WAPL: variants seen among roughly 807,000 people sequenced by gnomAD.
WAPL encodes wings apart-like protein homolog.
In WAPL, 5 loss-of-function variants were observed where a neutral mutation model predicts 121.0. The observed-to-expected ratio is 0.04, with a 90% confidence interval of 0.02 to 0.09. The LOEUF (loss-of-function observed/expected upper bound fraction) is 0.09, where lower values mean the gene tolerates loss of function less well. Ranked by LOEUF, WAPL falls within the 10% of genes least tolerant of loss-of-function variation. The probability of loss-of-function intolerance (pLI) is 1.00; values close to 1 mark genes in which losing one functional copy is unlikely to be tolerated. For missense variants in WAPL, 999 were observed against 1,410.8 expected (o/e 0.71, Z 4.68); for synonymous variants, 480 against 481.5 (o/e 1.00, Z 0.04).
chr10:86,452,437 C>T (rs1589497288), intron 14 of WAPL, among the ~76,000 whole-genome samples: 1 of 151,820 alleles, frequency 6.6e-6, no homozygotes, highest in East Asian at 1.9e-4. Context: ...ACTAAAAATA[C>T]AAAAATAAGC....
Position 86,467,521 on chromosome 10 carries a change from AAAAAG to A in WAPL, c.2143-20_2143-16del, listed in dbSNP as rs760302645. 33 of 1,577,988 alleles carry A rather than the reference AAAAAG, an allele frequency of 2.1e-5. No homozygotes were observed. The highest frequency in any genetic ancestry group is 2.7e-5 in the Non-Finnish European group (31 of 1,165,888). ...AGGGACAGATTCTTCAACAGGCCAA[AAAAAG>A]AAAAGAAAAAAAACTTCATGTAAGC... On this transcript the variant is annotated splice_polypyrimidine_tract_variant and intron_variant, in intron 8 of 18. Coordinates refer to ENST00000298767, the MANE Select transcript of WAPL (RefSeq NM_015045.5).
chr10:86,491,001 TG>T (rs1361691370), intron 4 of WAPL, among the ~76,000 whole-genome samples: 1 of 151,570 alleles, frequency 6.6e-6, no homozygotes, highest in East Asian at 2.0e-4. Context: ...AGGCGGAGGT[TG>T]CAGTGAGCCG....
intron 2 of WAPL, among the ~76,000 whole-genome samples, chr10:86,513,541 G>T (rs1842504682): frequency 6.6e-6 from 1 of 151,988 alleles, no homozygotes; most frequent in Admixed American, 6.6e-5. Context: ...TCACCATGTT[G>T]GTCAGGCTGG....
At chr10:86,466,738 C>A (rs1841407211) in intron 9 of WAPL, among the ~76,000 whole-genome samples, 2 of 152,052 alleles carry the variant, frequency 1.3e-5, no homozygotes, top group Non-Finnish European at 2.9e-5. Context: ...ACTCTGTCAC[C>A]CAGGCTGGAG....
rs1841660170 is a variant in WAPL, at chr10:86,476,595, G to A, written c.1645-2622C>T. On this transcript the variant is annotated intron_variant, in intron 4 of 18. Transcript: ENST00000298767. ...TACCAGCTACTCAGGAGGCTGAGGC[G>A]GGAGAATCAGTTGAACCCGGGAGGT... Among the ~76,000 whole-genome samples the A allele has an allele frequency of 2.0e-5, 3 of 149,426 alleles. No homozygotes were observed. In the South Asian group the frequency reaches 6.4e-4, roughly 32 times the overall value.
chr10:86,445,902 T>C (rs1198951668), intron 16 of WAPL, among the ~76,000 whole-genome samples: 2 of 152,144 alleles, frequency 1.3e-5, no homozygotes, highest in Non-Finnish European at 2.9e-5. Flanking sequence ...AAGTTTAAAG[T>C]GAAGCTGAAA....
In WAPL at chr10:86,497,069, A is replaced by T. The variant is rs1263134121; in HGVS notation, c.1644+132T>A. 6 of 734,804 alleles carry T rather than the reference A, an allele frequency of 8.2e-6. No homozygotes were observed. The African/African-American group carries it at 1.1e-4, about 13-fold the overall frequency. The allele number at this position is 734,804 out of a possible 1,614,324, so 45.5% of individuals were successfully genotyped here. A position where few individuals can be genotyped will look rare whatever the true frequency, so the allele number is the denominator to read the frequency against. On this transcript the variant is annotated intron_variant, in intron 4 of 18. Coordinates refer to ENST00000298767, the MANE Select transcript of WAPL (RefSeq NM_015045.5). ...TTTTTTAAAAAATGGTTATATCTGA[A>T]AAAACGACTTACACATATCCTTTGA...
intron 1 of WAPL, among the ~76,000 whole-genome samples, chr10:86,520,882 A>G (rs1842662050): frequency 6.6e-6 from 1 of 151,786 alleles, no homozygotes; most frequent in South Asian, 2.1e-4. Context: ...TGGAAAGCGG[A>G]CGGGACGAAC....
At position 86,499,804 on chromosome 10, in the gene WAPL, G is replaced by A. The variant is rs140697784; in HGVS notation, c.1439C>T (p.Thr480Ile). 1.4e-4 allele frequency: 219 copies of A among 1,613,340 alleles called. 2 individuals carry two copies. In the South Asian group the frequency reaches 1.7e-3, roughly 12 times the overall value. The change falls in exon 3 of 19, where the codon ACT (threonine) becomes ATT (isoleucine). Residue 480 changes from threonine (T) to isoleucine (I), a missense_variant. Thr to Ile is a moderately conservative substitution (Grantham distance 89, BLOSUM62 -1). Transcript: ENST00000298767. ...QVERKTSKKRTKTAPSPSLQP... is the reference protein window; with the variant it reads ...QVERKTSKKRIKTAPSPSLQP... ...CAAGGAGGGTGATGGAGCTGTTTTAGTTCTTTTTTTGCTTGTCTTTCTTTC... is the reference window on the plus strand; with the variant it reads ...CAAGGAGGGTGATGGAGCTGTTTTAATTCTTTTTTTGCTTGTCTTTCTTTC...
rs137989700 is a variant in WAPL, at chr10:86,451,984, C to G, written c.3097G>C (p.Val1033Leu). The change falls in exon 15 of 19, where the codon GTC (valine) becomes CTC (leucine). Residue 1033 changes from valine to leucine, a missense_variant. By Grantham distance (32) the Val-to-Leu change is conservative (BLOSUM62 1). Transcript: ENST00000298767. Reference protein sequence around the residue: ...SLRIGGQVHAVQALVQLFLER... With the variant: ...SLRIGGQVHALQALVQLFLER... ...TTGCTTACCTGCACTAAAGCCTGGA[C>G]AGCATGAACTTGTCCACCTATCCTT... The G allele has an allele frequency of 6.2e-7, 1 of 1,614,016 alleles. No individual in the cohort carries two copies. The highest frequency in any genetic ancestry group is 8.5e-7 in the Non-Finnish European group (1 of 1,180,024).
chr10:86,501,511 A>C (rs1422058268), intron 2 of WAPL, among the ~76,000 whole-genome samples: 1 of 152,234 alleles, frequency 6.6e-6, no homozygotes, highest in Non-Finnish European at 1.5e-5. Flanking sequence ...TACTTGTAGA[A>C]AAACACTGAC....
chr10:86,462,538 G>A (rs1165083750), intron 9 of WAPL, among the ~76,000 whole-genome samples: 1 of 151,838 alleles, frequency 6.6e-6, no homozygotes, highest in Non-Finnish European at 1.5e-5. Flanking sequence ...TGGCCAACAT[G>A]GTAAAACCCC....
chr10:86,505,302 T>TTTTTTTTTTTTTTA (rs1842326996), intron 2 of WAPL, among the ~76,000 whole-genome samples: 1 of 74,960 alleles, frequency 1.3e-5, no homozygotes, highest in Non-Finnish European at 3.4e-5. Context: ...GCCCAACTCT[T>TTTTTTTTTTTTTTA]TTTTTTTTTT....
intron 17 of WAPL, among the ~76,000 whole-genome samples, chr10:86,438,381 G>C (rs954250183): frequency 6.6e-6 from 1 of 152,060 alleles, no homozygotes; most frequent in East Asian, 1.9e-4. Context: ...AGCCTCCCGG[G>C]TAGCCGGGAT....
chr10:86,512,018 A>G (rs1209490737), intron 2 of WAPL, among the ~76,000 whole-genome samples: 2 of 152,248 alleles, frequency 1.3e-5, no homozygotes, highest in Admixed American at 1.3e-4. Context: ...ATTCTACACA[A>G]CAAATACATT....
intron 2 of WAPL, among the ~76,000 whole-genome samples, chr10:86,503,399 G>A (rs1354272378): frequency 6.6e-6 from 1 of 152,078 alleles, no homozygotes; most frequent in Non-Finnish European, 1.5e-5. Flanking sequence ...GTGCAGGGAT[G>A]GAAGAAAACT....
intron 4 of WAPL, among the ~76,000 whole-genome samples, chr10:86,483,308 T>A (rs1841837097): frequency 6.6e-6 from 1 of 151,902 alleles, no homozygotes; most frequent in Non-Finnish European, 1.5e-5. Context: ...TAATCCCAGG[T>A]ACTCTGGAGG....
chr10:86,517,436 T>C, intron 2 of WAPL, 135 bp downstream of exon 2: 1 of 1,291,936 alleles, frequency 7.7e-7, no homozygotes, highest in East Asian at 2.6e-5. Context: ...AAATGTCTTT[T>C]ACAAAACTAT....
At chr10:86,466,705 T>C (rs1414409036) in intron 9 of WAPL, among the ~76,000 whole-genome samples, 1 of 152,164 alleles carries the variant, frequency 6.6e-6, no homozygotes, top group Admixed American at 6.5e-5. Flanking sequence ...ATGTAGTTTC[T>C]ACCTTTTTTT....
Sources: allele counts gnomAD v4.1 joint callset (sites outside exome capture counted in the v4.1 genomes callset), GRCh38; gene constraint gnomAD v4.1.1; transcripts MANE v1.5; gene names NCBI Gene and HGNC (gene_info 2026-07-23, HGNC 2026-07-21).